Variants in DCC observed in about 807,000 individuals in gnomAD.
DCC encodes the protein DCC netrin 1 receptor.
A neutral mutation model predicts 172.5 loss-of-function variants in DCC; 58 were observed. That is an observed-to-expected ratio of 0.34 (90% CI 0.27 to 0.42). The LOEUF (loss-of-function observed/expected upper bound fraction) is 0.42. Ranked by LOEUF, DCC falls within the 10% of genes least tolerant of loss-of-function variation. DCC has a pLI of 1.00. For synonymous variants in DCC, 709 were observed against 644.5 expected, an observed-to-expected ratio of 1.10 and a Z score of -1.52; for missense variants, 1,740 against 1,791.0, an observed-to-expected ratio of 0.97 and a Z score of 0.51.
At position 53,215,236 on chromosome 18, in the gene DCC, T is replaced by C. The variant is rs1226786190; in HGVS notation, c.1862-312T>C. Among the ~76,000 whole-genome samples the C allele has an allele frequency of 2.6e-5, 4 of 152,236 alleles. No individual in the cohort carries two copies. The East Asian group carries it at 7.7e-4, about 29-fold the overall frequency. ...TCCTGTGTGTTTTTATTGGTTTCTC[T>C]GGGAAAGTTATCACAAGAGGGCTGT... On this transcript the variant is annotated intron_variant, in intron 11 of 28. Transcript: ENST00000442544.
intron 13 of DCC, among the ~76,000 whole-genome samples, chr18:53,307,935 A>G (rs1465848270): frequency 5.8e-5 from 6 of 102,646 alleles, no homozygotes; most frequent in Non-Finnish European, 1.3e-4. Context: ...ATATATATAT[A>G]TATATATATA....
At chr18:52,793,116 T>C (rs2037807801) in intron 2 of DCC, among the ~76,000 whole-genome samples, 1 of 152,220 alleles carries the variant, frequency 6.6e-6, no homozygotes, top group Non-Finnish European at 1.5e-5. Flanking sequence ...GTCTGATTTA[T>C]GTAGGACCCA....
At chr18:52,670,660 C>T (rs2219555) in intron 1 of DCC, among the ~76,000 whole-genome samples, 56,680 of 151,804 alleles carry the variant, frequency 0.37, 10,671 homozygotes, top group East Asian at 0.41. Flanking sequence ...GCCAACATGG[C>T]GAAACCCCAT....
At chr18:52,972,492 C>T (rs540440017) in intron 5 of DCC, among the ~76,000 whole-genome samples, 10 of 148,646 alleles carry the variant, frequency 6.7e-5, no homozygotes, top group South Asian at 6.4e-4. Flanking sequence ...GGGAAATACA[C>T]GTAAGTGTAC....
intron 1 of DCC, among the ~76,000 whole-genome samples, chr18:52,396,998 T>A (rs922197753): frequency 1.3e-5 from 2 of 152,074 alleles, no homozygotes; most frequent in Admixed American, 6.6e-5. Context: ...TATTAATAAA[T>A]GTTTCTGTGT....
intron 1 of DCC, among the ~76,000 whole-genome samples, chr18:52,418,858 C>CTTTTTTTTTTTTTTTT (rs11313758): frequency 2.2e-5 from 2 of 93,020 alleles, no homozygotes; most frequent in Non-Finnish European, 2.0e-5. Flanking sequence ...TTCTTTCTTT[C>CTTTTTTTTTTTTTTTT]TTTTTTTTTT....
At chr18:53,380,287 C>T (rs1006517700) in intron 15 of DCC, among the ~76,000 whole-genome samples, 20 of 152,156 alleles carry the variant, frequency 1.3e-4, no homozygotes, top group Admixed American at 3.3e-4. Flanking sequence ...TGGTAAATTA[C>T]ACCCTTCTTA....
intron 12 of DCC, among the ~76,000 whole-genome samples, chr18:53,258,586 A>G (rs1400902990): frequency 1.3e-5 from 2 of 152,074 alleles, no homozygotes; most frequent in Admixed American, 6.6e-5. Context: ...ACAGTTTGTT[A>G]TAATTTCTGT....
At position 53,410,614 on chromosome 18, in the gene DCC, T is replaced by A. The variant is rs550808219; in HGVS notation, c.3098T>A (p.Leu1033His). Residue 1033 changes from leucine to histidine, a missense_variant, in exon 20 of 29, where the codon CTC (leucine) becomes CAC (histidine). By Grantham distance (99) the Leu-to-His change is moderately conservative. Around this residue, in one of 2 missense-constraint regions of DCC, gnomAD observed 1,732 missense variants for 1,767.4 expected, o/e 0.98. Coordinates refer to ENST00000442544, the MANE Select transcript of DCC (RefSeq NM_005215.4). ...QARNSKGVGP[L>H]SDPILFRTLK... The stretch of plus-strand genomic sequence containing the variant: ...CGAAATTCAAAAGGAGTGGGGCCAC[T>A]CTCTGATCCTATCCTCTTCAGGACT... The A allele has an allele frequency of 2.3e-5, 37 of 1,608,390 alleles. No homozygotes were observed. The South Asian group carries it at 4.0e-4, about 17-fold the overall frequency.
At chr18:52,897,783 G>T (rs1000340951) in intron 2 of DCC, among the ~76,000 whole-genome samples, 2 of 152,122 alleles carry the variant, frequency 1.3e-5, no homozygotes, top group Non-Finnish European at 2.9e-5. Context: ...CCACCATAGA[G>T]CAATTGCTCT....
At chr18:52,579,124 T>G (rs1017993353) in intron 1 of DCC, among the ~76,000 whole-genome samples, 2 of 152,252 alleles carry the variant, frequency 1.3e-5, no homozygotes, top group African/African-American at 4.8e-5. Flanking sequence ...CCTCTTAGTC[T>G]TTGCTCACAT....
intron 12 of DCC, among the ~76,000 whole-genome samples, chr18:53,240,038 A>AC (rs1358737164): frequency 7.1e-6 from 1 of 141,046 alleles, no homozygotes; most frequent in Non-Finnish European, 1.5e-5. Context: ...AAAAAAAAAA[A>AC]AAAAAAAAAA....
intron 1 of DCC, among the ~76,000 whole-genome samples, chr18:52,480,966 TCAAACATTTC>T: frequency 6.6e-6 from 1 of 152,048 alleles, no homozygotes; most frequent in East Asian, 1.9e-4. Context: ...ATTTCCTTTT[TCAAACATTTC>T]TTTCACCATG....
At chr18:53,309,924 A>G (rs1222156301) in intron 13 of DCC, among the ~76,000 whole-genome samples, 2 of 50,712 alleles carry the variant, frequency 3.9e-5, no homozygotes, top group Non-Finnish European at 7.6e-5. Flanking sequence ...ATGTGCGTGT[A>G]TATATATATA....
At chr18:52,784,733 A>G (rs971625899) in intron 2 of DCC, among the ~76,000 whole-genome samples, 3 of 151,984 alleles carry the variant, frequency 2.0e-5, no homozygotes, top group Non-Finnish European at 1.5e-5. Flanking sequence ...GTCTATTCAG[A>G]TCGTTTACCC....
chr18:52,932,950 T>C (rs1250473472), intron 5 of DCC, among the ~76,000 whole-genome samples: 3 of 152,110 alleles, frequency 2.0e-5, no homozygotes, highest in Non-Finnish European at 2.9e-5. Flanking sequence ...TAGACTAAGC[T>C]ATTCAGAAAG....
intron 25 of DCC, among the ~76,000 whole-genome samples, chr18:53,468,955 T>C (rs528070163): frequency 5.3e-5 from 8 of 152,308 alleles, no homozygotes; most frequent in Non-Finnish European, 8.8e-5. Flanking sequence ...TGCAAAGATA[T>C]TGATTCCTTC....
intron 27 of DCC, among the ~76,000 whole-genome samples, chr18:53,510,791 CT>C (rs2072279644): frequency 6.6e-6 from 1 of 152,068 alleles, no homozygotes; most frequent in Non-Finnish European, 1.5e-5. Context: ...TGATTTACTC[CT>C]ATTCCTTCTT....
intron 2 of DCC, among the ~76,000 whole-genome samples, chr18:52,761,503 C>A (rs2037159142): frequency 6.6e-6 from 1 of 152,074 alleles, no homozygotes; most frequent in African/African-American, 2.4e-5. Context: ...TTGTTTTGGA[C>A]CTTGAATCAT....
Sources: allele counts gnomAD v4.1 joint callset (sites outside exome capture counted in the v4.1 genomes callset), GRCh38; gene constraint gnomAD v4.1.1; regional missense constraint gnomAD v4.1.1; transcripts MANE v1.5; gene names NCBI Gene and HGNC (gene_info 2026-07-23, HGNC 2026-07-21).